Variants in KIRREL3 observed in about 807,000 individuals in gnomAD.
KIRREL3 encodes the protein kin of IRRE-like protein 3.
In KIRREL3, 36 loss-of-function variants were observed where a neutral mutation model predicts 89.7. The observed-to-expected ratio is 0.40, with a 90% confidence interval of 0.31 to 0.53. The LOEUF (loss-of-function observed/expected upper bound fraction) is 0.53, where lower values mean the gene tolerates loss of function less well. Among genes scored for constraint, KIRREL3 ranks in the 20% least tolerant of loss-of-function variants. KIRREL3 has a pLI of 0.49. For synonymous variants in KIRREL3, 445 were observed against 441.4 expected, an observed-to-expected ratio of 1.01 and a Z score of -0.10; for missense variants, 864 against 1,056.6, an observed-to-expected ratio of 0.82 and a Z score of 2.53.
intron 6 of KIRREL3, among the ~76,000 whole-genome samples, chr11:126,458,521 C>T (rs963066448): frequency 6.6e-6 from 1 of 152,168 alleles, no homozygotes; most frequent in Non-Finnish European, 1.5e-5. Flanking sequence ...CCAAGAGGAC[C>T]CTGCCTCCCT....
chr11:126,871,552 T>C (rs866823595), intron 1 of KIRREL3, among the ~76,000 whole-genome samples: 52 of 152,314 alleles, frequency 3.4e-4, no homozygotes, highest in African/African-American at 1.1e-3. Context: ...AAAGTAGTCA[T>C]TCTCCTGGAC....
Position 126,802,464 on chromosome 11 carries a change from G to A in KIRREL3, c.55+197991C>T, listed in dbSNP as rs1381796116. On this transcript the variant is annotated intron_variant, in intron 1 of 16. Coordinates refer to ENST00000525144, the MANE Select transcript of KIRREL3 (RefSeq NM_032531.4). This position sits in a 1 kb window ranked among gnomAD's most constrained non-coding sequence, Gnocchi z 5.2. ...TCCAGCTGGGTCCATAGTCTGTGTG[G>A]CGTCGTTCTTCTCATGTCTGCGTGG... 6.6e-6 allele frequency among the ~76,000 whole-genome samples: 1 copy of A among 152,162 alleles called. No homozygotes were observed. The highest frequency in any genetic ancestry group is 1.9e-4 in the East Asian group (1 of 5,182).
At chr11:126,728,287 G>A (rs139457607) in intron 1 of KIRREL3, among the ~76,000 whole-genome samples, 1,941 of 152,262 alleles carry the variant, frequency 0.013, 41 homozygotes, top group African/African-American at 0.041. Context: ...CCCATCTGCA[G>A]ACCAGGGAGA....
intron 1 of KIRREL3, among the ~76,000 whole-genome samples, chr11:126,749,538 T>C (rs1193284509): frequency 6.6e-6 from 1 of 152,090 alleles, no homozygotes; most frequent in East Asian, 1.9e-4. Flanking sequence ...CTCATAATTA[T>C]ATTACAAGAG....
At chr11:126,921,529 CTG>C (rs1333558778) in intron 1 of KIRREL3, among the ~76,000 whole-genome samples, 1 of 148,646 alleles carries the variant, frequency 6.7e-6, no homozygotes, top group African/African-American at 2.5e-5. Flanking sequence ...ATCTGTCTGT[CTG>C]TCTTTCTTTT....
chr11:126,701,165 C>T (rs1166918077), intron 1 of KIRREL3, among the ~76,000 whole-genome samples: 2 of 152,208 alleles, frequency 1.3e-5, no homozygotes, highest in Non-Finnish European at 2.9e-5. Context: ...GTTCATTTCT[C>T]AGTAACAGTC....
intron 5 of KIRREL3, among the ~76,000 whole-genome samples, chr11:126,466,004 G>A (rs1025267677): frequency 6.6e-6 from 1 of 152,162 alleles, no homozygotes; most frequent in Non-Finnish European, 1.5e-5. Flanking sequence ...GCTAACAAGG[G>A]ACATTTACAT....
In KIRREL3 at chr11:126,491,684, G is replaced by T. The variant is rs1565496268; in HGVS notation, c.434-18218C>A. Among the ~76,000 whole-genome samples the T allele has an allele frequency of 6.6e-6, 1 of 152,002 alleles. No homozygotes were observed. Among genetic ancestry groups the T allele is most frequent in the Non-Finnish European group, 1.5e-5 (1 of 67,972 alleles). On this transcript the variant is annotated intron_variant, in intron 4 of 16. Coordinates refer to ENST00000525144, the MANE Select transcript of KIRREL3 (RefSeq NM_032531.4). The surrounding 1 kb of genome is among the most constrained non-coding windows in gnomAD (Gnocchi z 5.5). ...GTGCTCCCCACACACAGATTTGGAT[G>T]TTTTTCTTTTTTTCTTTTTTCTTTT...
chr11:126,950,695 T>A (rs1367250393), intron 1 of KIRREL3, among the ~76,000 whole-genome samples: 2 of 152,234 alleles, frequency 1.3e-5, no homozygotes, highest in African/African-American at 4.8e-5. Context: ...TCTCCCATTG[T>A]ACATCACACA....
intron 1 of KIRREL3, among the ~76,000 whole-genome samples, chr11:126,962,589 C>G (rs545953881): frequency 1.3e-5 from 2 of 152,072 alleles, no homozygotes; most frequent in South Asian, 2.1e-4. Flanking sequence ...AAAGTTGAAA[C>G]GACAACAAAA....
Position 126,783,467 on chromosome 11 carries a change from A to T in KIRREL3, c.55+216988T>A, listed in dbSNP as rs1191868112. On this transcript the variant is annotated intron_variant, in intron 1 of 16. Coordinates refer to ENST00000525144, the MANE Select transcript of KIRREL3 (RefSeq NM_032531.4). This position sits in a 1 kb window ranked among gnomAD's most constrained non-coding sequence, Gnocchi z 4.3. The stretch of plus-strand genomic sequence containing the variant: ...GGACTTCAACATATTATATTTGAGG[A>T]GGAGGACACAATCCAACACATAACA... Among the ~76,000 whole-genome samples, 1 of 152,204 alleles carries T rather than the reference A, an allele frequency of 6.6e-6. No individual in the cohort carries two copies. Among genetic ancestry groups the T allele is most frequent in the Non-Finnish European group, 1.5e-5 (1 of 68,036 alleles).
chr11:126,720,670 T>C (rs147545367), intron 1 of KIRREL3, among the ~76,000 whole-genome samples: 1 of 152,370 alleles, frequency 6.6e-6, no homozygotes, highest in Non-Finnish European at 1.5e-5. Context: ...AGAGTTATAA[T>C]TATCATAGTT....
intron 1 of KIRREL3, among the ~76,000 whole-genome samples, chr11:126,831,221 GGTCACTA>G (rs1198937126): frequency 1.3e-5 from 2 of 152,156 alleles, no homozygotes; most frequent in Non-Finnish European, 2.9e-5. Flanking sequence ...TCAATTTTGA[GGTCACTA>G]TTATCCCACC....
At position 126,788,790 on chromosome 11, in the gene KIRREL3, T is replaced by A. The variant is rs1171451217; in HGVS notation, c.55+211665A>T. Among the ~76,000 whole-genome samples, 3 of 152,198 alleles carry A rather than the reference T, an allele frequency of 2.0e-5. No homozygotes were observed. Among genetic ancestry groups the A allele is most frequent in the African/African-American group, 7.2e-5 (3 of 41,456 alleles). On this transcript the variant is annotated intron_variant, in intron 1 of 16. Coordinates refer to ENST00000525144, the MANE Select transcript of KIRREL3 (RefSeq NM_032531.4). The surrounding 1 kb of genome is among the most constrained non-coding windows in gnomAD (Gnocchi z 4.1). Reference sequence around the variant, plus strand: ...ATCCAGGCAGCTGCATGTTGTATTATCCGCATCATAGGGCAAGGAGAGAGA... The same window carrying A: ...ATCCAGGCAGCTGCATGTTGTATTAACCGCATCATAGGGCAAGGAGAGAGA...
rs183596889 is a variant in KIRREL3, at chr11:126,823,361, A to G, written c.55+177094T>C. On this transcript the variant is annotated intron_variant, in intron 1 of 16. Coordinates refer to ENST00000525144, the MANE Select transcript of KIRREL3 (RefSeq NM_032531.4). Reference sequence around the variant, plus strand: ...ACCTCCAGGGCCTTTGCTTTTCATTACAGGCTCATATAACCTGGTCTTTAT... The same window carrying G: ...ACCTCCAGGGCCTTTGCTTTTCATTGCAGGCTCATATAACCTGGTCTTTAT... 9.2e-4 allele frequency among the ~76,000 whole-genome samples: 140 copies of G among 152,330 alleles called. 2 individuals are homozygous for G. The highest frequency in any genetic ancestry group is 3.1e-3 in the African/African-American group (128 of 41,572).
At position 126,719,635 on chromosome 11, in the gene KIRREL3, T is replaced by C. The variant is rs1302266420; in HGVS notation, c.56-156723A>G. Among the ~76,000 whole-genome samples, 1 of 152,164 alleles carries C rather than the reference T, an allele frequency of 6.6e-6. No homozygotes were observed. The highest frequency in any genetic ancestry group is 1.5e-5 in the Non-Finnish European group (1 of 68,022). On this transcript the variant is annotated intron_variant, in intron 1 of 16. Coordinates refer to ENST00000525144, the MANE Select transcript of KIRREL3 (RefSeq NM_032531.4). The surrounding 1 kb of genome is among the most constrained non-coding windows in gnomAD (Gnocchi z 4.7). Reference sequence around the variant, plus strand: ...CTCCCGCTAGATCCTGTCAAAATCATCCCTATCTCAGCCAATGGCAACTTA... The same window carrying C: ...CTCCCGCTAGATCCTGTCAAAATCACCCCTATCTCAGCCAATGGCAACTTA...
rs1321338924 is a variant in KIRREL3, at chr11:126,773,028, G to T, written c.56-210116C>A. ...TTGTGAAAGCCACTAAAGGTATCATGGTTCTCCAAAGAGTTCCTAAAGGAA... is the reference window on the plus strand; with the variant it reads ...TTGTGAAAGCCACTAAAGGTATCATTGTTCTCCAAAGAGTTCCTAAAGGAA... On this transcript the variant is annotated intron_variant, in intron 1 of 16. Coordinates refer to ENST00000525144, the MANE Select transcript of KIRREL3 (RefSeq NM_032531.4). The surrounding 1 kb of genome is among the most constrained non-coding windows in gnomAD (Gnocchi z 4.2). 1.3e-5 allele frequency among the ~76,000 whole-genome samples: 2 copies of T among 152,172 alleles called. No homozygotes were observed. The highest frequency in any genetic ancestry group is 2.9e-5 in the Non-Finnish European group (2 of 68,042).
At chr11:126,538,266 T>C (rs1342364009) in intron 2 of KIRREL3, among the ~76,000 whole-genome samples, 1 of 152,254 alleles carries the variant, frequency 6.6e-6, no homozygotes, top group Non-Finnish European at 1.5e-5. Context: ...AGTGACCAAT[T>C]GGAGAAGGCT....
chr11:126,873,304 T>C (rs1235528207), intron 1 of KIRREL3, among the ~76,000 whole-genome samples: 1 of 152,164 alleles, frequency 6.6e-6, no homozygotes, highest in Non-Finnish European at 1.5e-5. Flanking sequence ...GGCTGAGGTA[T>C]GCATATAACA....
Sources: allele counts gnomAD v4.1 joint callset (sites outside exome capture counted in the v4.1 genomes callset), GRCh38; gene constraint gnomAD v4.1.1; non-coding constraint Gnocchi (gnomAD v3.1); transcripts MANE v1.5; gene names NCBI Gene and HGNC (gene_info 2026-07-23, HGNC 2026-07-21).